The following ROBO2 variants were observed in gnomAD, a reference collection of about 807,000 sequenced individuals.
ROBO2 encodes the protein roundabout guidance receptor 2, also known as roundabout homolog 2.
A neutral mutation model predicts 160.8 loss-of-function variants in ROBO2; 53 were observed. That is an observed-to-expected ratio of 0.33 (90% CI 0.26 to 0.41). ROBO2 has a LOEUF of 0.41. Among genes scored for constraint, ROBO2 ranks in the 10% least tolerant of loss-of-function variants. ROBO2 has a pLI of 1.00. For missense variants in ROBO2, 1,577 were observed against 1,722.4 expected, an observed-to-expected ratio of 0.92 and a Z score of 1.49; for synonymous variants, 664 against 611.7, an observed-to-expected ratio of 1.09 and a Z score of -1.26.
intron 2 of ROBO2, among the ~76,000 whole-genome samples, chr3:76,873,210 G>A (rs1157614708): frequency 6.6e-6 from 1 of 152,022 alleles, no homozygotes; most frequent in East Asian, 1.9e-4. Flanking sequence ...CTCTTCTAAG[G>A]CAAAGTTCAT....
chr3:76,711,361 A>G (rs1576161052), intron 2 of ROBO2, among the ~76,000 whole-genome samples: 1 of 151,970 alleles, frequency 6.6e-6, no homozygotes, highest in African/African-American at 2.4e-5. Flanking sequence ...TGAACAAACC[A>G]CCTCCTACCA....
chr3:76,132,361 C>T (rs768591515), intron 2 of ROBO2, among the ~76,000 whole-genome samples: 2 of 140,590 alleles, frequency 1.4e-5, no homozygotes, highest in Non-Finnish European at 3.0e-5. Flanking sequence ...TATAGGCACC[C>T]TCTGCCTAAC....
At chr3:76,065,386 G>C (rs903018996) in intron 2 of ROBO2, among the ~76,000 whole-genome samples, 4 of 152,124 alleles carry the variant, frequency 2.6e-5, no homozygotes, top group East Asian at 1.9e-4. Flanking sequence ...TTAAAAAACT[G>C]TGTATATGAT....
chr3:76,744,298 C>A (rs2093849172), intron 2 of ROBO2, among the ~76,000 whole-genome samples: 1 of 151,918 alleles, frequency 6.6e-6, no homozygotes, highest in African/African-American at 2.4e-5. Context: ...TCTTCCCCTC[C>A]TCTTCCTCTT....
chr3:77,254,331 A>AT, intron 2 of ROBO2, among the ~76,000 whole-genome samples: 1 of 152,330 alleles, frequency 6.6e-6, no homozygotes, highest in East Asian at 1.9e-4. Flanking sequence ...CAATGTATTC[A>AT]TTTTTTAATT....
At chr3:76,071,370 T>C (rs1318570624) in intron 2 of ROBO2, among the ~76,000 whole-genome samples, 2 of 152,182 alleles carry the variant, frequency 1.3e-5, no homozygotes, top group Admixed American at 1.3e-4. Context: ...CCTACTTAAT[T>C]ACTACAGAGT....
intron 2 of ROBO2, among the ~76,000 whole-genome samples, chr3:76,126,979 T>G (rs947627150): frequency 3.9e-5 from 6 of 152,166 alleles, no homozygotes; most frequent in Admixed American, 3.9e-4. Context: ...CTTTCCGTGT[T>G]TACCTCCAGA....
chr3:76,495,087 C>T (rs963789190), intron 2 of ROBO2, among the ~76,000 whole-genome samples: 1 of 152,064 alleles, frequency 6.6e-6, no homozygotes, highest in Non-Finnish European at 1.5e-5. Flanking sequence ...AGGGAAAGTA[C>T]CCTCACGTGT....
intron 2 of ROBO2, among the ~76,000 whole-genome samples, chr3:76,687,046 C>A (rs1409888414): frequency 6.6e-6 from 1 of 151,966 alleles, no homozygotes; most frequent in African/African-American, 2.4e-5. Context: ...CTAAAATTTT[C>A]ATATATCTAT....
At chr3:76,521,398 A>C (rs2081611049) in intron 2 of ROBO2, among the ~76,000 whole-genome samples, 1 of 152,172 alleles carries the variant, frequency 6.6e-6, no homozygotes, top group African/African-American at 2.4e-5. Context: ...GGTCCTAGTC[A>C]GTAGGTCATT....
intron 2 of ROBO2, among the ~76,000 whole-genome samples, chr3:76,031,108 T>C (rs1559849504): frequency 6.6e-6 from 1 of 152,204 alleles, no homozygotes; most frequent in Non-Finnish European, 1.5e-5. Context: ...GATTCTTAGG[T>C]ATTTTATTCT....
At chr3:77,399,444 A>C (rs2075595919) in intron 2 of ROBO2, among the ~76,000 whole-genome samples, 1 of 152,158 alleles carries the variant, frequency 6.6e-6, no homozygotes, top group South Asian at 2.1e-4. Context: ...TTCTGTTTAA[A>C]TCACAATTCA....
At chr3:76,891,023 G>T (rs2148816138) in intron 2 of ROBO2, among the ~76,000 whole-genome samples, 1 of 152,026 alleles carries the variant, frequency 6.6e-6, no homozygotes, top group Non-Finnish European at 1.5e-5. Context: ...GTTAGGATTG[G>T]GTTTTGAATG....
intron 2 of ROBO2, among the ~76,000 whole-genome samples, chr3:76,049,403 A>ATATATATATATATTTTTT (rs1414664360): frequency 1.9e-5 from 1 of 53,762 alleles, no homozygotes; most frequent in African/African-American, 1.5e-4. Context: ...ATATATATAT[A>ATATATATATATATTTTTT]TTTTTTTTTT....
chr3:76,288,534 A>C (rs1708644351), intron 2 of ROBO2, among the ~76,000 whole-genome samples: 1 of 151,034 alleles, frequency 6.6e-6, no homozygotes, highest in Non-Finnish European at 1.5e-5. Context: ...ATGTGCAGGC[A>C]TGTTACATAG....
intron 2 of ROBO2, among the ~76,000 whole-genome samples, chr3:76,864,341 A>G (rs2071127135): frequency 6.6e-6 from 1 of 152,068 alleles, no homozygotes; most frequent in South Asian, 2.1e-4. Flanking sequence ...TTCTCACTTC[A>G]ATTCATCTTG....
At chr3:77,258,264 C>A (rs1218218509) in intron 2 of ROBO2, among the ~76,000 whole-genome samples, 2 of 152,084 alleles carry the variant, frequency 1.3e-5, no homozygotes, top group Non-Finnish European at 2.9e-5. Context: ...AAGTTAAAAG[C>A]AAGATTACTG....
chr3:77,285,300 G>T (rs544034080), intron 2 of ROBO2, among the ~76,000 whole-genome samples: 7 of 152,150 alleles, frequency 4.6e-5, no homozygotes, highest in African/African-American at 1.7e-4. Flanking sequence ...ATGCTTACAA[G>T]AAGAACGAAA....
chr3:76,141,060 C>CATACATATATATATATATATAT lies in ROBO2; in HGVS notation c.109+203461_109+203462insCATATATATATATATATATATA, dbSNP rs1553656032. Among the ~76,000 whole-genome samples, 5 of 53,588 alleles carry CATACATATATATATATATATAT rather than the reference C, an allele frequency of 9.3e-5. No homozygotes were observed. In the East Asian group the frequency reaches 2.3e-3, roughly 25 times the overall value. The allele number at this position is 53,588 out of a possible 152,430, so 35.2% of individuals were successfully genotyped here. On this transcript the variant is annotated intron_variant, in intron 2 of 26. Transcript: ENST00000487694. ...ACACACACAGATGTCTTTTTACATACATATATATATATATATAAAATATAT... is the reference window on the plus strand; with the variant it reads ...ACACACACAGATGTCTTTTTACATACATACATATATATATATATATATATATATATATATATATAAAATATAT...
Sources: gnomAD v4.1 joint callset for allele counts (sites outside exome capture counted in the v4.1 genomes callset) on GRCh38, gnomAD v4.1.1 for gene constraint, MANE v1.5 for transcripts, NCBI Gene and HGNC (gene_info 2026-07-23, HGNC 2026-07-21) for gene names.